The following DIS3L2 variants were observed in gnomAD, a reference collection of about 807,000 sequenced individuals.
The protein encoded by DIS3L2 is DIS3 like 3'-5' exoribonuclease 2, also known as DIS3-like exonuclease 2.
A neutral mutation model predicts 97.5 loss-of-function variants in DIS3L2; 34 were observed. That is an observed-to-expected ratio of 0.35 (90% CI 0.27 to 0.46). The LOEUF is 0.46. Among genes scored for constraint, DIS3L2 ranks in the 20% least tolerant of loss-of-function variants. The pLI is 1.00. For missense variants in DIS3L2, 1,038 were observed against 1,146.0 expected (o/e 0.91, Z 1.36); for synonymous variants, 435 against 445.2 (o/e 0.98, Z 0.29).
intron 5 of DIS3L2, among the ~76,000 whole-genome samples, chr2:232,053,603 G>T (rs1219779652): frequency 6.6e-6 from 1 of 152,136 alleles, no homozygotes; most frequent in Non-Finnish European, 1.5e-5. Context: ...GATTCCCATG[G>T]CCCCCTCAGG....
intron 6 of DIS3L2, among the ~76,000 whole-genome samples, chr2:232,102,461 G>A (rs932516816): frequency 1.3e-5 from 2 of 152,158 alleles, no homozygotes; most frequent in African/African-American, 4.8e-5. Context: ...CAGAGATATA[G>A]GAGAATGTCC....
At chr2:232,224,960 G>A (rs1692604096) in intron 10 of DIS3L2, among the ~76,000 whole-genome samples, 1 of 152,006 alleles carries the variant, frequency 6.6e-6, no homozygotes, top group East Asian at 1.9e-4. Context: ...GACTTGAAGA[G>A]GCACTTCATA....
rs569879497 is a variant in DIS3L2 at position 232,328,299 on chromosome 2, G to T, written c.1740-1514G>T. On this transcript the variant is annotated intron_variant, in intron 14 of 20. Transcript: ENST00000325385. ...GTCCCCACTAGTCCCCAGGGGAGGC[G>T]CTAGGGGTGCTGGGCTGGCTTCCCT... Among the ~76,000 whole-genome samples, 3 of 152,346 alleles carry T rather than the reference G, an allele frequency of 2.0e-5. No individual in the cohort carries two copies. The East Asian group carries it at 5.8e-4, about 29-fold the overall frequency.
chr2:232,273,131 C>T (rs1395949287), intron 13 of DIS3L2, among the ~76,000 whole-genome samples: 1 of 152,096 alleles, frequency 6.6e-6, no homozygotes, highest in East Asian at 1.9e-4. Context: ...CAGAGAAGTT[C>T]ACATTTGTTT....
intron 14 of DIS3L2, among the ~76,000 whole-genome samples, chr2:232,326,921 C>T (rs1472019067): frequency 6.6e-6 from 1 of 152,212 alleles, no homozygotes; most frequent in East Asian, 1.9e-4. Flanking sequence ...TGCTGGGGGT[C>T]CAGGGAGAGC....
At chr2:232,168,706 G>T (rs1217309307) in intron 9 of DIS3L2, among the ~76,000 whole-genome samples, 1 of 152,080 alleles carries the variant, frequency 6.6e-6, no homozygotes, top group African/African-American at 2.4e-5. Flanking sequence ...ACATAGTGAG[G>T]GTGCCAGGGT....
At chr2:232,277,649 G>T (rs552126776) in intron 13 of DIS3L2, among the ~76,000 whole-genome samples, 7 of 152,118 alleles carry the variant, frequency 4.6e-5, no homozygotes, top group African/African-American at 1.4e-4. Context: ...AGGCGTGTAC[G>T]TGTACATTTT....
At chr2:232,317,441 G>T (rs1245202866) in intron 14 of DIS3L2, among the ~76,000 whole-genome samples, 1 of 152,026 alleles carries the variant, frequency 6.6e-6, no homozygotes, top group Non-Finnish European at 1.5e-5. Flanking sequence ...TTGGCGGGGT[G>T]GGGAGGTAGA....
Position 232,037,860 on chromosome 2 carries a change from T to C in DIS3L2, c.366+7780T>C, listed in dbSNP as rs1012634292. 6.6e-6 allele frequency among the ~76,000 whole-genome samples: 1 copy of C among 152,200 alleles called. No individual in the cohort carries two copies. Among genetic ancestry groups the C allele is most frequent in the Non-Finnish European group, 1.5e-5 (1 of 68,022 alleles). ...CTGCTTTGGCTTGCCCTCCGTGGGCTGCACCCACTGGCTAACCAGTCCCAG... is the reference window on the plus strand; with the variant it reads ...CTGCTTTGGCTTGCCCTCCGTGGGCCGCACCCACTGGCTAACCAGTCCCAG... On this transcript the variant is annotated intron_variant, in intron 5 of 20. Transcript: ENST00000325385. The surrounding 1 kb of genome is among the most constrained non-coding windows in gnomAD (Gnocchi z 4.6).
chr2:232,058,361 G>C (rs1361244800), intron 5 of DIS3L2, among the ~76,000 whole-genome samples: 1 of 152,138 alleles, frequency 6.6e-6, no homozygotes, highest in East Asian at 1.9e-4. Flanking sequence ...AGAGCTTCTG[G>C]AATCCAAAGG....
chr2:231,962,432 G>A (rs995973864), intron 1 of DIS3L2, among the ~76,000 whole-genome samples: 4 of 138,082 alleles, frequency 2.9e-5, no homozygotes, highest in African/African-American at 1.2e-4. Context: ...AGTGTCTACC[G>A]TTACCTTTTT....
intron 1 of DIS3L2, among the ~76,000 whole-genome samples, chr2:231,971,557 C>T (rs1186192655): frequency 6.6e-6 from 1 of 152,110 alleles, no homozygotes; most frequent in Non-Finnish European, 1.5e-5. Context: ...ACGCCATTCT[C>T]CTGCCTCAGC....
At chr2:231,986,705 AAAT>A (rs1693424045) in intron 1 of DIS3L2, among the ~76,000 whole-genome samples, 1 of 152,312 alleles carries the variant, frequency 6.6e-6, no homozygotes, top group South Asian at 2.1e-4. Context: ...CAGAAAGATG[AAAT>A]AATTTGCTCA....
At chr2:232,079,187 A>G (rs1225916108) in intron 5 of DIS3L2, among the ~76,000 whole-genome samples, 1 of 152,240 alleles carries the variant, frequency 6.6e-6, no homozygotes, top group Non-Finnish European at 1.5e-5. Context: ...AACTCAGAAT[A>G]CAGCAGTGAA....
chr2:232,326,222 A>G (rs1695568766), intron 14 of DIS3L2, among the ~76,000 whole-genome samples: 2 of 152,112 alleles, frequency 1.3e-5, no homozygotes, highest in Admixed American at 6.5e-5. Flanking sequence ...CCACCAGGGA[A>G]TTGACAGGGT....
At chr2:232,145,446 C>A (rs955650050) in intron 8 of DIS3L2, among the ~76,000 whole-genome samples, 1 of 152,262 alleles carries the variant, frequency 6.6e-6, no homozygotes, top group African/African-American at 2.4e-5. Context: ...ATAATCACAT[C>A]ATTGGTAAGT....
At chr2:232,128,451 A>ATTTTTTTTTTTTTTTTTTTTT (rs10682281) in intron 6 of DIS3L2, among the ~76,000 whole-genome samples, 2 of 71,676 alleles carry the variant, frequency 2.8e-5, no homozygotes, top group African/African-American at 1.2e-4. Context: ...AACTTTGCTA[A>ATTTTTTTTTTTTTTTTTTTTT]TTTTTTTTTT....
At chr2:232,249,420 C>A in intron 12 of DIS3L2, 74 bp downstream of exon 12, 1 of 1,471,518 alleles carries the variant, frequency 6.8e-7, no homozygotes, top group Non-Finnish European at 9.3e-7. Context: ...TCACCATGTG[C>A]CTGGCACTGG....
At chr2:232,253,956 A>T (rs1202589886) in intron 12 of DIS3L2, among the ~76,000 whole-genome samples, 2 of 152,192 alleles carry the variant, frequency 1.3e-5, no homozygotes, top group Non-Finnish European at 2.9e-5. Flanking sequence ...GGCACAATAA[A>T]CCCATCCTCC....
Sources: allele counts gnomAD v4.1 joint callset (sites outside exome capture counted in the v4.1 genomes callset), GRCh38; gene constraint gnomAD v4.1.1; non-coding constraint Gnocchi (gnomAD v3.1); transcripts MANE v1.5; gene names NCBI Gene and HGNC (gene_info 2026-07-23, HGNC 2026-07-21).